Variants in CCND2 observed in about 807,000 individuals in gnomAD.
The protein encoded by CCND2 is cyclin D2.
A neutral mutation model predicts 30.2 loss-of-function variants in CCND2; 6 were observed. That is an observed-to-expected ratio of 0.20 (90% confidence interval 0.11 to 0.39). The LOEUF (loss-of-function observed/expected upper bound fraction) is 0.39, where lower values mean the gene tolerates loss of function less well. CCND2 is among the 10% of genes least tolerant of loss of function. The pLI, the probability that CCND2 is intolerant of heterozygous loss-of-function variation, is 1.00. For missense variants in CCND2, 235 were observed against 373.4 expected, an observed-to-expected ratio of 0.63 and a Z score of 3.06; for synonymous variants, 150 against 153.1, an observed-to-expected ratio of 0.98 and a Z score of 0.15.
rs1863835732 is a variant in CCND2, at chr12:4,274,505, T to C, written c.195+270T>C. ...AGCATCCCGCGCGCGTGTTCCTGCA[T>C]GTGGCTGCCTCTTCTTCCCACCCCC... On this transcript the variant is annotated intron_variant, in intron 1 of 4. Transcript: ENST00000261254. The surrounding 1 kb of genome is among the most constrained non-coding windows in gnomAD (Gnocchi z 7.7). Among the ~76,000 whole-genome samples, 1 of 152,190 alleles carries C rather than the reference T, an allele frequency of 6.6e-6. No individual in the cohort carries two copies. Among genetic ancestry groups the C allele is most frequent in the African/African-American group, 2.4e-5 (1 of 41,444 alleles).
At chr12:4,294,732 A>G (rs1356009189) in intron 4 of CCND2, among the ~76,000 whole-genome samples, 1 of 152,212 alleles carries the variant, frequency 6.6e-6, no homozygotes, top group African/African-American at 2.4e-5. Flanking sequence ...TAGCTGGGAA[A>G]CGAGGGCATT....
Position 4,273,922 on chromosome 12 carries a change from A to G in CCND2, c.-119A>G. The G allele has an allele frequency of 1.0e-6, 1 of 984,574 alleles. No homozygotes were observed. Among genetic ancestry groups the G allele is most frequent in the South Asian group, 1.7e-5 (1 of 60,046 alleles). 61.0% of individuals were successfully genotyped at this position (984,574 alleles called of 1,614,324 possible). On this transcript the variant is annotated 5_prime_UTR_variant, in exon 1 of 5. Transcript: ENST00000261254. The surrounding 1 kb of genome is among the most constrained non-coding windows in gnomAD (Gnocchi z 5.9). ...CTCACCTCTCCCCCGAAAACCCCCT[A>G]TTTAGCCAAAGGAAGGAGGTCAGGG...
At position 4,300,225 on chromosome 12, in the gene CCND2, G is replaced by T; in HGVS notation, c.*216G>T. On this transcript the variant is annotated 3_prime_UTR_variant, in exon 5 of 5. Transcript: ENST00000261254. Reference sequence around the variant, plus strand: ...GGTGCCTATTTGAAGTACAGCATAAGGGAATCCCTTGTATATGCGAACAGT... The same window carrying T: ...GGTGCCTATTTGAAGTACAGCATAATGGAATCCCTTGTATATGCGAACAGT... 1 of 506,698 alleles carries T rather than the reference G, an allele frequency of 2.0e-6. No homozygotes were observed. The highest frequency in any genetic ancestry group is 3.0e-5 in the East Asian group (1 of 33,778). 31.4% of individuals were successfully genotyped at this position (506,698 alleles called of 1,614,324 possible). A position where few individuals can be genotyped will look rare whatever the true frequency, so the allele number is the denominator to read the frequency against.
At chr12:4,286,915 G>T (rs1207486184) in intron 3 of CCND2, among the ~76,000 whole-genome samples, 1 of 152,332 alleles carries the variant, frequency 6.6e-6, no homozygotes, top group Admixed American at 6.5e-5. Context: ...GCTCCCACCC[G>T]GGCCTTTGTG....
chr12:4,298,468 G>A (rs1385172329), intron 4 of CCND2, among the ~76,000 whole-genome samples: 1 of 152,070 alleles, frequency 6.6e-6, no homozygotes. Flanking sequence ...GGCTGGTATC[G>A]AACTCCTGGT....
At chr12:4,278,942 G>C in intron 3 of CCND2, 23 bp downstream of exon 3, 1 of 1,593,988 alleles carries the variant, frequency 6.3e-7, no homozygotes, top group Non-Finnish European at 8.6e-7. Flanking sequence ...TTGAGCCGGG[G>C]AGGGAGATGG....
At chr12:4,283,288 G>T (rs375404963) in intron 3 of CCND2, among the ~76,000 whole-genome samples, 1 of 152,132 alleles carries the variant, frequency 6.6e-6, no homozygotes, top group Non-Finnish European at 1.5e-5. Context: ...TGCTGGTGCC[G>T]GGGCTGCGGC....
chr12:4,293,523 C>T lies in CCND2; in HGVS notation c.720+4533C>T, dbSNP rs1399468165. Among the ~76,000 whole-genome samples, 3 of 152,184 alleles carry T rather than the reference C, an allele frequency of 2.0e-5. No individual in the cohort carries two copies. Among genetic ancestry groups the T allele is most frequent in the African/African-American group, 7.2e-5 (3 of 41,442 alleles). ...GAACCCGTCACCCAGACAGTGTACA[C>T]AGTACCCAATAGGGAGTGTTTCAAC... On this transcript the variant is annotated intron_variant, in intron 4 of 4. Transcript: ENST00000261254. This position sits in a 1 kb window ranked among gnomAD's most constrained non-coding sequence, Gnocchi z 4.9.
chr12:4,303,148 G>C lies in CCND2; in HGVS notation c.*3139G>C, dbSNP rs1864273752. On this transcript the variant is annotated 3_prime_UTR_variant, in exon 5 of 5. Transcript: ENST00000261254. This position sits in a 1 kb window ranked among gnomAD's most constrained non-coding sequence, Gnocchi z 4.6. ...ACAAGCCTACCCGACTCTATTTACA[G>C]TCTGTAACTTTCCACTCTTCCTGTA... 1 of 233,278 alleles carries C rather than the reference G, an allele frequency of 4.3e-6. No homozygotes were observed. Among genetic ancestry groups the C allele is most frequent in the Non-Finnish European group, 8.5e-6 (1 of 118,130 alleles). The allele number at this position is 233,278 out of a possible 1,614,324, so 14.5% of individuals were successfully genotyped here.
At position 4,273,816 on chromosome 12, in the gene CCND2, G is replaced by A. The variant is rs1863818656; in HGVS notation, c.-225G>A. 3.4e-6 allele frequency: 2 copies of A among 592,612 alleles called. No homozygotes were observed. Among genetic ancestry groups the A allele is most frequent in the East Asian group, 2.8e-5 (1 of 35,232 alleles). The allele number at this position is 592,612 out of a possible 1,614,324, so 36.7% of individuals were successfully genotyped here. On this transcript the variant is annotated 5_prime_UTR_variant, in exon 1 of 5. It adds an upstream start codon to the 5' untranslated region. Transcript: ENST00000261254. The surrounding 1 kb of genome is among the most constrained non-coding windows in gnomAD (Gnocchi z 5.9). Reference sequence around the variant, plus strand: ...GAGACCAGTTTTAAGGGGAGGACCGGTGCGAGTGAGGCAGCCCCGAGGCTC... The same window carrying A: ...GAGACCAGTTTTAAGGGGAGGACCGATGCGAGTGAGGCAGCCCCGAGGCTC...
At chr12:4,277,433 T>C (rs1208426754) in intron 2 of CCND2, among the ~76,000 whole-genome samples, 1 of 152,216 alleles carries the variant, frequency 6.6e-6, no homozygotes, top group East Asian at 1.9e-4. Flanking sequence ...TTTTAAAGCT[T>C]ATGAAGAAAA....
Position 4,274,282 on chromosome 12 carries a change from G to C in CCND2, c.195+47G>C. The C allele has an allele frequency of 1.9e-6, 3 of 1,591,478 alleles. No individual in the cohort carries two copies. The highest frequency in any genetic ancestry group is 2.6e-6 in the Non-Finnish European group (3 of 1,163,732). On this transcript the variant is annotated intron_variant, in intron 1 of 4. Transcript: ENST00000261254. This position sits in a 1 kb window ranked among gnomAD's most constrained non-coding sequence, Gnocchi z 7.7. ...GCCAGGAGCCAGGACCCCTCCGGAT[G>C]CTCGGGTCCCCGGCCGGAGCCCTAA...
chr12:4,279,269 G>T (rs1445201296), intron 3 of CCND2, among the ~76,000 whole-genome samples: 1 of 152,184 alleles, frequency 6.6e-6, no homozygotes, highest in Non-Finnish European at 1.5e-5. Context: ...TAAGGAAAAG[G>T]ATGGCTTGGA....
intron 4 of CCND2, among the ~76,000 whole-genome samples, chr12:4,290,855 C>T (rs2120566745): frequency 6.6e-6 from 1 of 152,306 alleles, no homozygotes; most frequent in South Asian, 2.1e-4. Flanking sequence ...TTTAAGTCAG[C>T]TGGCCAACTC....
chr12:4,293,461 G>A lies in CCND2; in HGVS notation c.720+4471G>A, dbSNP rs1008743457. On this transcript the variant is annotated intron_variant, in intron 4 of 4. Coordinates refer to ENST00000261254, the MANE Select transcript of CCND2 (RefSeq NM_001759.4). The surrounding 1 kb of genome is among the most constrained non-coding windows in gnomAD (Gnocchi z 4.9). ...GGGATCCATGTGCGGTTTGTTACGT[G>A]GATATATCGTGTGATGCTGAGGTTT... Among the ~76,000 whole-genome samples, 2 of 152,172 alleles carry A rather than the reference G, an allele frequency of 1.3e-5. No individual in the cohort carries two copies. Among genetic ancestry groups the A allele is most frequent in the African/African-American group, 4.8e-5 (2 of 41,440 alleles).
Position 4,274,251 on chromosome 12 carries a change from G to C in CCND2, c.195+16G>C. ...GATGCTGGAGGTAGGTCGGGGGGTG[G>C]CGCTCGCCAGGAGCCAGGACCCCTC... is the stretch of plus-strand genomic sequence containing the variant. On this transcript the variant is annotated intron_variant, in intron 1 of 4. Coordinates refer to ENST00000261254, the MANE Select transcript of CCND2 (RefSeq NM_001759.4). This position sits in a 1 kb window ranked among gnomAD's most constrained non-coding sequence, Gnocchi z 7.7. 2 of 1,612,586 alleles carry C rather than the reference G, an allele frequency of 1.2e-6. No individual in the cohort carries two copies. Among genetic ancestry groups the C allele is most frequent in the Non-Finnish European group, 1.7e-6 (2 of 1,179,064 alleles).
rs1864259927 is a variant in CCND2, at chr12:4,302,217, T to C, written c.*2208T>C. 4.3e-6 allele frequency: 1 copy of C among 232,980 alleles called. No individual in the cohort carries two copies. Among genetic ancestry groups the C allele is most frequent in the Admixed American group, 5.6e-5 (1 of 17,754 alleles). The allele number at this position is 232,980 out of a possible 1,614,324, so 14.4% of individuals were successfully genotyped here. A position where few individuals can be genotyped will look rare whatever the true frequency, so the allele number is the denominator to read the frequency against. ...GGCCATCGGGCTCCCAGTTAGACCC[T>C]GGTATCCTCATCATGATGGAAAAAA... is the stretch of plus-strand genomic sequence containing the variant. On this transcript the variant is annotated 3_prime_UTR_variant, in exon 5 of 5. Transcript: ENST00000261254.
chr12:4,302,514 A>T lies in CCND2; in HGVS notation c.*2505A>T, dbSNP rs1399262559. 1 of 232,856 alleles carries T rather than the reference A, an allele frequency of 4.3e-6. No individual in the cohort carries two copies. The highest frequency in any genetic ancestry group is 8.5e-6 in the Non-Finnish European group (1 of 117,920). The allele number at this position is 232,856 out of a possible 1,614,324, so 14.4% of individuals were successfully genotyped here. ...ACCTTGTGTTTAGGATCATCTCTGC[A>T]GGTTTCCTAGGTCTGAATCTGCGAG... On this transcript the variant is annotated 3_prime_UTR_variant, in exon 5 of 5. Transcript: ENST00000261254.
chr12:4,304,067 G>C lies in CCND2; in HGVS notation c.*4058G>C, dbSNP rs1864286006. 4.3e-6 allele frequency: 1 copy of C among 233,218 alleles called. No homozygotes were observed. The highest frequency in any genetic ancestry group is 5.6e-5 in the Admixed American group (1 of 17,784). 14.4% of individuals were successfully genotyped at this position (233,218 alleles called of 1,614,324 possible). On this transcript the variant is annotated 3_prime_UTR_variant, in exon 5 of 5. Coordinates refer to ENST00000261254, the MANE Select transcript of CCND2 (RefSeq NM_001759.4). This position sits in a 1 kb window ranked among gnomAD's most constrained non-coding sequence, Gnocchi z 6.2. ...TGCCCTGGGAGCTCTGGGACTGAAA[G>C]GTTAAGAACATAAGGCAGGATCAGA... is the stretch of plus-strand genomic sequence containing the variant.
Sources: gnomAD v4.1 joint callset for allele counts (sites outside exome capture counted in the v4.1 genomes callset) on GRCh38, gnomAD v4.1.1 for gene constraint, Gnocchi (gnomAD v3.1) non-coding constraint, MANE v1.5 for transcripts, NCBI Gene and HGNC (gene_info 2026-07-23, HGNC 2026-07-21) for gene names.